FAM184B: variants seen among roughly 807,000 people sequenced by gnomAD.
FAM184B encodes protein FAM184B.
In FAM184B, 111 loss-of-function variants were observed where a neutral mutation model predicts 135.9. The observed-to-expected ratio is 0.82, with a 90% CI of 0.70 to 0.96. The LOEUF (loss-of-function observed/expected upper bound fraction) is 0.96, where lower values mean the gene tolerates loss of function less well. Ranked by LOEUF, FAM184B falls within the 40% of genes least tolerant of loss-of-function variation. The pLI is 0.00. For missense variants in FAM184B, 1,375 were observed against 1,323.9 expected (o/e 1.04, Z -0.60); for synonymous variants, 552 against 524.8 (o/e 1.05, Z -0.71).
At chr4:17,688,179 C>T (rs867834193) in intron 7 of FAM184B, among the ~76,000 whole-genome samples, 17 of 152,168 alleles carry the variant, frequency 1.1e-4, no homozygotes, top group Admixed American at 3.9e-4. Flanking sequence ...AGAGAGAGAG[C>T]GGAGACTCAT....
At chr4:17,693,204 T>C in intron 6 of FAM184B, 98 bp downstream of exon 6, 1 of 840,880 alleles carries the variant, frequency 1.2e-6, no homozygotes, top group South Asian at 1.7e-5. Context: ...TGGCTGAGTG[T>C]CCTTTTCTGT....
intron 1 of FAM184B, among the ~76,000 whole-genome samples, chr4:17,748,375 GT>G (rs901566255): frequency 6.6e-6 from 1 of 151,958 alleles, no homozygotes; most frequent in Non-Finnish European, 1.5e-5. Flanking sequence ...GGCATCCTCA[GT>G]TGATAGAGTT....
At position 17,658,420 on chromosome 4, in the gene FAM184B, T is replaced by A; in HGVS notation, c.1967A>T (p.Lys656Ile). 1 of 1,551,592 alleles carries A rather than the reference T, an allele frequency of 6.4e-7. No individual in the cohort carries two copies. Among genetic ancestry groups the A allele is most frequent in the South Asian group, 1.2e-5 (1 of 84,058 alleles). The change falls in exon 10 of 18, where the codon AAA becomes ATA. Residue 656 changes from lysine (K) to isoleucine (I), a missense_variant. Transcript: ENST00000265018. ...CTGGTGGGAAGCCTCGAGCTGGGCT[T>A]TCATGGCGTGGTTCTGCTGAGTGGT... ...QETTQQNHAMKAQLEASHQRA... is the reference protein window; with the variant it reads ...QETTQQNHAMIAQLEASHQRA...
chr4:17,721,156 G>C (rs1352799585), intron 1 of FAM184B, among the ~76,000 whole-genome samples: 6 of 151,632 alleles, frequency 4.0e-5, no homozygotes, highest in African/African-American at 1.5e-4. Flanking sequence ...AGGCCGAGAA[G>C]GCGGATCATG....
intron 7 of FAM184B, among the ~76,000 whole-genome samples, chr4:17,687,408 T>A (rs1716613559): frequency 6.6e-6 from 1 of 152,198 alleles, no homozygotes; most frequent in Non-Finnish European, 1.5e-5. Context: ...AAGCGCCCAC[T>A]TCAGGGAGAT....
intron 10 of FAM184B, among the ~76,000 whole-genome samples, chr4:17,656,835 C>T (rs1715787583): frequency 6.6e-6 from 1 of 152,160 alleles, no homozygotes; most frequent in African/African-American, 2.4e-5. Flanking sequence ...TGTCTCCTGT[C>T]CTCGGAGGCA....
intron 7 of FAM184B, among the ~76,000 whole-genome samples, chr4:17,678,781 C>T (rs900731005): frequency 6.6e-6 from 1 of 152,114 alleles, no homozygotes; most frequent in East Asian, 1.9e-4. Flanking sequence ...TCAAACTATA[C>T]TATAAGGCCA....
chr4:17,736,777 G>A lies in FAM184B; in HGVS notation c.142-27133C>T, dbSNP rs111931902. 8.8e-3 allele frequency among the ~76,000 whole-genome samples: 1,346 copies of A among 152,242 alleles called. 18 individuals carry two copies. Among genetic ancestry groups the A allele is most frequent in the African/African-American group, 0.031 (1,287 of 41,534 alleles). The stretch of plus-strand genomic sequence containing the variant: ...CTCCCATAGCCACACCTGGCCACAC[G>A]GAGGCTGGGAAATGAAGTCTCTAGC... On this transcript the variant is annotated intron_variant, in intron 1 of 17. Transcript: ENST00000265018.
At chr4:17,647,870 GT>G in intron 11 of FAM184B, 79 bp from the exon 12 acceptor site, 4 of 1,456,424 alleles carry the variant, frequency 2.7e-6, no homozygotes, top group Non-Finnish European at 2.8e-6. Context: ...AGTCTCTGGG[GT>G]GGGGTTGGAT....
intron 1 of FAM184B, among the ~76,000 whole-genome samples, chr4:17,775,227 C>T (rs577132948): frequency 6.6e-6 from 1 of 151,518 alleles, no homozygotes; most frequent in South Asian, 2.1e-4. Context: ...GCTCTGTTGC[C>T]CAGGCTGGAG....
At chr4:17,774,396 A>T (rs1718878981) in intron 1 of FAM184B, among the ~76,000 whole-genome samples, 1 of 152,148 alleles carries the variant, frequency 6.6e-6, no homozygotes, top group African/African-American at 2.4e-5. Context: ...AAACAAACAA[A>T]CAAAATCCAG....
At chr4:17,645,796 C>T (rs1312500178) in intron 12 of FAM184B, among the ~76,000 whole-genome samples, 3 of 151,908 alleles carry the variant, frequency 2.0e-5, no homozygotes, top group Non-Finnish European at 4.4e-5. Flanking sequence ...AGGCAACCTA[C>T]AGAATGGGAG....
At chr4:17,649,936 C>T (rs1300865385) in intron 11 of FAM184B, among the ~76,000 whole-genome samples, 2 of 151,238 alleles carry the variant, frequency 1.3e-5, no homozygotes, top group African/African-American at 4.9e-5. Flanking sequence ...ACTGATCCAC[C>T]CATTGGTTGC....
rs140010199 is a variant in FAM184B, at chr4:17,673,065, C to T, written c.1597-8406G>A. On this transcript the variant is annotated intron_variant, in intron 7 of 17. Transcript: ENST00000265018. ...TAATATTCAGAATCTATAATGAACTCGAACAAATTAGCAAGAAAAAAACAA... is the reference window on the plus strand; with the variant it reads ...TAATATTCAGAATCTATAATGAACTTGAACAAATTAGCAAGAAAAAAACAA... Among the ~76,000 whole-genome samples the T allele has an allele frequency of 1.4e-3, 215 of 151,956 alleles. 3 individuals are homozygous for T. The East Asian group carries it at 0.029, about 20-fold the overall frequency.
At chr4:17,733,361 G>A (rs571970672) in intron 1 of FAM184B, among the ~76,000 whole-genome samples, 5 of 151,712 alleles carry the variant, frequency 3.3e-5, no homozygotes, top group Non-Finnish European at 7.4e-5. Flanking sequence ...AGACAGAAAG[G>A]GTATTCAATT....
At chr4:17,650,815 A>G (rs1715594673) in intron 11 of FAM184B, among the ~76,000 whole-genome samples, 1 of 152,110 alleles carries the variant, frequency 6.6e-6, no homozygotes, top group Admixed American at 6.6e-5. Flanking sequence ...TCTAATGAGA[A>G]CTCAACCAAG....
chr4:17,709,723 CCTGCATGGCGGTTGAT>C, intron 1 of FAM184B, 79 bp from the exon 2 acceptor site: 1 of 1,303,364 alleles, frequency 7.7e-7, no homozygotes, highest in African/African-American at 1.5e-5. Flanking sequence ...GCAATATTCT[CCTGCATGGCGGTTGAT>C]CTGCACAAGT....
At chr4:17,778,176 A>G (rs1718969436) in intron 1 of FAM184B, among the ~76,000 whole-genome samples, 1 of 152,248 alleles carries the variant, frequency 6.6e-6, no homozygotes, top group South Asian at 2.1e-4. Context: ...AACAAAACAA[A>G]TCTGAAATGT....
intron 1 of FAM184B, among the ~76,000 whole-genome samples, chr4:17,762,736 A>G (rs1718574322): frequency 6.6e-6 from 1 of 152,230 alleles, no homozygotes; most frequent in African/African-American, 2.4e-5. Context: ...ACAACTATAC[A>G]TCAAAATGCC....
Sources: allele counts gnomAD v4.1 joint callset (sites outside exome capture counted in the v4.1 genomes callset), GRCh38; gene constraint gnomAD v4.1.1; transcripts MANE v1.5; gene names NCBI Gene and HGNC (gene_info 2026-07-23, HGNC 2026-07-21).